SF3B1: variants seen among roughly 807,000 people sequenced by gnomAD.
SF3B1 encodes the protein splicing factor 3b subunit 1, also known as pre-mRNA processing 10.
A neutral mutation model predicts 153.8 loss-of-function variants in SF3B1; 12 were observed. The ratio of observed to expected loss-of-function variants is 0.08; its 90% CI spans 0.05 to 0.13. The LOEUF (loss-of-function observed/expected upper bound fraction) is 0.13, where lower values mean the gene tolerates loss of function less well. Ranked by LOEUF, SF3B1 falls within the 10% of genes least tolerant of loss-of-function variation. The pLI is 1.00. For missense variants in SF3B1, 513 were observed against 1,606.1 expected (o/e 0.32, Z 11.63); for synonymous variants, 498 against 525.2 (o/e 0.95, Z 0.71).
In SF3B1 at chr2:197,393,399, CT is replaced by C. The variant is rs956639270; in HGVS notation, c.3540-212del. The C allele has an allele frequency of 3.1e-5, 17 of 542,744 alleles. No individual in the cohort carries two copies. In the African/African-American group the frequency reaches 3.3e-4, roughly 10 times the overall value. The allele number at this position is 542,744 out of a possible 1,614,324, so 33.6% of individuals were successfully genotyped here. On this transcript the variant is annotated intron_variant, in intron 23 of 24. Coordinates refer to ENST00000335508, the MANE Select transcript of SF3B1 (RefSeq NM_012433.4). ...AATAGCTTCCACTTGAGGACTTTTG[CT>C]TTAATTACTCAAGATTCACTATGGC...
Position 197,400,402 on chromosome 2 carries a change from C to T in SF3B1, c.2751G>A (p.Val917=), listed in dbSNP as rs376040497. The T allele has an allele frequency of 1.9e-6, 3 of 1,613,170 alleles. No homozygotes were observed. Among genetic ancestry groups the T allele is most frequent in the Non-Finnish European group, 2.5e-6 (3 of 1,179,714 alleles). Residue 917 remains valine (V), a synonymous_variant, in exon 19 of 25, where the codon GTG becomes GTA. Coordinates refer to ENST00000335508, the MANE Select transcript of SF3B1 (RefSeq NM_012433.4). This position sits in a 1 kb window ranked among gnomAD's most constrained non-coding sequence, Gnocchi z 5.0. ...TGACTCGTTTGCCAAGAGCATTAAC[C>T]ACTGTGCCAAAGCCGTTCAACATTA... ...DSVMLNGFGT[V]VNALGKRVKP...
chr2:197,418,701 T>C, intron 4 of SF3B1, 113 bp from the exon 5 acceptor site: 1 of 1,454,462 alleles, frequency 6.9e-7, no homozygotes, highest in East Asian at 2.5e-5. Context: ...TCATTTAAAT[T>C]ATTTTTTGAT....
rs1207511198 is a variant in SF3B1, at chr2:197,405,443, A to C, written c.1269T>G (p.Pro423=). The C allele has an allele frequency of 3.1e-6, 5 of 1,613,444 alleles. No homozygotes were observed. Among genetic ancestry groups the C allele is most frequent in the Non-Finnish European group, 2.5e-6 (3 of 1,179,688 alleles). ...KVLPPPAGYV[P]IRTPARKLTA... Reference sequence around the variant, plus strand: ...TCAGCTTTCGAGCTGGAGTTCGAATAGGAACATAACCAGCTGGAGGAGGAA... The same window carrying C: ...TCAGCTTTCGAGCTGGAGTTCGAATCGGAACATAACCAGCTGGAGGAGGAA... Residue 423 remains proline, a synonymous_variant, in exon 10 of 25, where the codon CCT becomes CCG. Transcript: ENST00000335508.
Position 197,401,968 on chromosome 2 carries a change from G to GT in SF3B1, c.2223+16dup. 1 of 1,608,422 alleles carries GT rather than the reference G, an allele frequency of 6.2e-7. No individual in the cohort carries two copies. The highest frequency in any genetic ancestry group is 1.1e-5 in the South Asian group (1 of 89,516). On this transcript the variant is annotated intron_variant, in intron 15 of 24. Transcript: ENST00000335508. The surrounding 1 kb of genome is among the most constrained non-coding windows in gnomAD (Gnocchi z 4.2). ...AACTTTAATGAAGATAAATCAAAAG[G>GT]TAATTGGTGGATTTACCTTTCCTCT...
intron 20 of SF3B1, chr2:197,399,150 G>A: frequency 2.6e-6 from 3 of 1,175,212 alleles, no homozygotes; most frequent in Non-Finnish European, 3.3e-6. Context: ...CAAACAATAT[G>A]GTTTAAAACT....
At chr2:197,409,014 G>A (rs965133807) in intron 7 of SF3B1, among the ~76,000 whole-genome samples, 1 of 152,206 alleles carries the variant, frequency 6.6e-6, no homozygotes, top group African/African-American at 2.4e-5. Flanking sequence ...GTTCATGCCT[G>A]TAATTCCAAC....
At chr2:197,430,747 C>T (rs2085415738) in intron 1 of SF3B1, among the ~76,000 whole-genome samples, 1 of 152,180 alleles carries the variant, frequency 6.6e-6, no homozygotes, top group African/African-American at 2.4e-5. Context: ...AGCCACCGTG[C>T]CCAGCCTACC....
chr2:197,410,067 C>A, intron 6 of SF3B1, 60 bp from the exon 7 acceptor site: 1 of 1,226,240 alleles, frequency 8.2e-7, no homozygotes, highest in Non-Finnish European at 1.2e-6. Context: ...AGAAAATTTC[C>A]ATAAAATAAA....
intron 11 of SF3B1, among the ~76,000 whole-genome samples, chr2:197,404,441 G>A (rs1171432086): frequency 2.0e-5 from 3 of 152,162 alleles, no homozygotes; most frequent in Middle Eastern, 3.4e-3. Context: ...TTAGCAGGGC[G>A]TGGTGGTGCA....
At position 197,434,932 on chromosome 2, in the gene SF3B1, A is replaced by T. The variant is rs572932365; in HGVS notation, c.28+40T>A. The stretch of plus-strand genomic sequence containing the variant: ...TAGGAAAAAAGGCTTTTATTAGGCT[A>T]GCAACGAAGAAAACACGTAAGCAGG... On this transcript the variant is annotated intron_variant, in intron 1 of 24. Transcript: ENST00000335508. 4 of 1,595,258 alleles carry T rather than the reference A, an allele frequency of 2.5e-6. No individual in the cohort carries two copies. In the East Asian group the frequency reaches 6.7e-5, roughly 27 times the overall value.
chr2:197,430,526 C>T (rs2085412019), intron 1 of SF3B1, among the ~76,000 whole-genome samples: 1 of 152,204 alleles, frequency 6.6e-6, no homozygotes, highest in South Asian at 2.1e-4. Flanking sequence ...ACGATCTCGG[C>T]TCACTGCAAC....
At position 197,394,576 on chromosome 2, in the gene SF3B1, G is replaced by A. The variant is rs373650796; in HGVS notation, c.3540-1388C>T. Among the ~76,000 whole-genome samples, 7 of 152,186 alleles carry A rather than the reference G, an allele frequency of 4.6e-5. No individual in the cohort carries two copies. The East Asian group carries it at 1.2e-3, about 25-fold the overall frequency. On this transcript the variant is annotated intron_variant, in intron 23 of 24. Transcript: ENST00000335508. ...CAATTATTCAACCAAGTATGAGCTC[G>A]CTGGCTAACACAATGGGATTTGCAA...
At chr2:197,427,340 A>T (rs1029192956) in intron 1 of SF3B1, among the ~76,000 whole-genome samples, 1 of 152,242 alleles carries the variant, frequency 6.6e-6, no homozygotes, top group African/African-American at 2.4e-5. Flanking sequence ...CTATAGATAT[A>T]AAGTCCAAAC....
intron 1 of SF3B1, among the ~76,000 whole-genome samples, chr2:197,431,025 G>A (rs1284080245): frequency 6.6e-6 from 1 of 150,688 alleles, no homozygotes; most frequent in African/African-American, 2.4e-5. Context: ...ACTGATAGCA[G>A]AAGGTCACAT....
chr2:197,424,349 A>G (rs995253469), intron 1 of SF3B1, among the ~76,000 whole-genome samples: 3 of 152,150 alleles, frequency 2.0e-5, no homozygotes, highest in Non-Finnish European at 4.4e-5. Context: ...AAAAATACAA[A>G]AAGTAGCTGG....
intron 6 of SF3B1, among the ~76,000 whole-genome samples, chr2:197,412,107 CAAA>C (rs397987243): frequency 1.2e-4 from 10 of 81,712 alleles, no homozygotes; most frequent in African/African-American, 1.5e-4. Context: ...GACTCTGTCT[CAAA>C]AAAAAAAAAA....
At chr2:197,399,067 G>A (rs1401589638) in intron 20 of SF3B1, 1 of 1,300,464 alleles carries the variant, frequency 7.7e-7, no homozygotes, top group Non-Finnish European at 1.0e-6. Flanking sequence ...GGAGGCAGCT[G>A]GCAGGGGCTC....
intron 6 of SF3B1, among the ~76,000 whole-genome samples, chr2:197,415,402 G>A (rs913825272): frequency 9.9e-5 from 15 of 151,670 alleles, no homozygotes; most frequent in East Asian, 3.9e-4. Flanking sequence ...ACAGGCACAC[G>A]CCACCATGCC....
intron 23 of SF3B1, among the ~76,000 whole-genome samples, chr2:197,394,111 G>C (rs1262104457): frequency 6.6e-6 from 1 of 152,052 alleles, no homozygotes; most frequent in African/African-American, 2.4e-5. Flanking sequence ...TTGAACCTGG[G>C]GGGTGGAGGT....
Sources: allele counts gnomAD v4.1 joint callset (sites outside exome capture counted in the v4.1 genomes callset), GRCh38; gene constraint gnomAD v4.1.1; non-coding constraint Gnocchi (gnomAD v3.1); transcripts MANE v1.5; gene names NCBI Gene and HGNC (gene_info 2026-07-23, HGNC 2026-07-21).